Variants in FRAS1 observed in about 807,000 individuals in gnomAD.
FRAS1 encodes Fraser extracellular matrix complex subunit 1.
A neutral mutation model predicts 435.2 loss-of-function variants in FRAS1; 290 were observed. That is an observed-to-expected ratio of 0.67 (90% CI 0.61 to 0.73). The LOEUF (loss-of-function observed/expected upper bound fraction) is 0.73, where lower values mean the gene tolerates loss of function less well. Among genes scored for constraint, FRAS1 ranks in the 30% least tolerant of loss-of-function variants. The pLI is 0.00. For missense variants in FRAS1, 4,860 were observed against 5,001.5 expected (o/e 0.97, Z 0.85); for synonymous variants, 1,800 against 1,851.0 (o/e 0.97, Z 0.71).
intron 2 of FRAS1, among the ~76,000 whole-genome samples, chr4:78,086,120 C>T (rs150455300): frequency 0.016 from 2,371 of 145,392 alleles, 21 homozygotes; most frequent in Non-Finnish European, 0.022. Context: ...GATTAAGACA[C>T]TCACTCAAAA....
intron 2 of FRAS1, among the ~76,000 whole-genome samples, chr4:78,067,860 A>G (rs1441875268): frequency 7.4e-6 from 1 of 134,406 alleles, no homozygotes; most frequent in Non-Finnish European, 1.6e-5. Flanking sequence ...CACCCAGCCA[A>G]TTTTTTTTTT....
chr4:78,070,312 T>C (rs1357718381), intron 2 of FRAS1: 1 of 152,166 alleles, frequency 6.6e-6, no homozygotes, highest in African/African-American at 2.4e-5. Flanking sequence ...GTTTCCCCAA[T>C]TTTTGACAGC....
chr4:78,213,638 T>G (rs1723614060), intron 2 of FRAS1, among the ~76,000 whole-genome samples: 1 of 152,176 alleles, frequency 6.6e-6, no homozygotes, highest in Admixed American at 6.5e-5. Flanking sequence ...GCTAGGAGAA[T>G]ATGGACCCTT....
rs1384775588 is a variant in FRAS1 at position 78,479,612 on chromosome 4, T to C, written c.8337T>C (p.Asn2779=). The stretch of plus-strand genomic sequence containing the variant: ...TTGCCTTGGCAGATGCCTCTGACAA[T>C]GCCCGCATTGGAAGGGTGGCGACAG... ...FEIALADASD[N]ARIGRVATAK... Residue 2779 remains asparagine (N), a synonymous_variant, in exon 56 of 74, where the codon AAT becomes AAC. Transcript: ENST00000512123. 2 of 1,613,922 alleles carry C rather than the reference T, an allele frequency of 1.2e-6. No individual in the cohort carries two copies. The highest frequency in any genetic ancestry group is 2.2e-5 in the South Asian group (2 of 91,070).
intron 2 of FRAS1, among the ~76,000 whole-genome samples, chr4:78,211,738 G>A (rs1255571639): frequency 3.9e-5 from 6 of 152,204 alleles, no homozygotes; most frequent in Non-Finnish European, 7.3e-5. Flanking sequence ...TTTTAACTGT[G>A]TAATTCAGTG....
intron 1 of FRAS1, among the ~76,000 whole-genome samples, chr4:78,058,451 G>A (rs1265501004): frequency 6.6e-6 from 1 of 152,044 alleles, no homozygotes; most frequent in Non-Finnish European, 1.5e-5. Flanking sequence ...GCGAACAATT[G>A]CTCTTACCTG....
At chr4:78,507,397 C>T in intron 61 of FRAS1, 24 bp from the exon 62 acceptor site, 1 of 1,594,128 alleles carries the variant, frequency 6.3e-7, no homozygotes, top group Non-Finnish European at 8.5e-7. Context: ...CCTTTGCTCT[C>T]TTTTTGTTCT....
At chr4:78,536,099 T>C (rs1221142949) in intron 71 of FRAS1, among the ~76,000 whole-genome samples, 1 of 152,090 alleles carries the variant, frequency 6.6e-6, no homozygotes, top group Non-Finnish European at 1.5e-5. Flanking sequence ...GTAAGTTAGT[T>C]GCATGTAAAG....
chr4:78,125,227 T>G (rs1719277522), intron 2 of FRAS1, among the ~76,000 whole-genome samples: 1 of 152,358 alleles, frequency 6.6e-6, no homozygotes, highest in African/African-American at 2.4e-5. Flanking sequence ...TCTTTATTTC[T>G]GACTTTATTT....
intron 59 of FRAS1, among the ~76,000 whole-genome samples, chr4:78,492,369 G>A (rs189428959): frequency 3.9e-5 from 6 of 152,284 alleles, no homozygotes; most frequent in African/African-American, 1.4e-4. Context: ...AAAGCTGGGG[G>A]CATCACACTA....
intron 58 of FRAS1, among the ~76,000 whole-genome samples, chr4:78,488,513 C>T (rs1720243364): frequency 6.6e-6 from 1 of 152,142 alleles, no homozygotes; most frequent in Admixed American, 6.5e-5. Context: ...CTTTTGAGTA[C>T]CCAAATAATG....
chr4:78,333,394 C>T lies in FRAS1; in HGVS notation c.2260C>T (p.Gln754Ter). 4.3e-6 allele frequency: 7 copies of T among 1,611,460 alleles called. No individual in the cohort carries two copies. Among genetic ancestry groups the T allele is most frequent in the Non-Finnish European group, 5.9e-6 (7 of 1,178,906 alleles). The change falls in exon 19 of 74, where the codon CAG becomes TAG. Residue 754 changes from glutamine to a stop codon, truncating the protein, a stop_gained. Transcript: ENST00000512123. LOFTEE classifies it high-confidence loss of function. The part of the protein sequence containing the change: ...LSQCPDGYFH[Q>*]EGSCTECHPT... ...CCAGTGCCCAGATGGCTACTTTCAC[C>T]AGGAAGGTAGTTGCACAGGTGAGTA...
Position 78,446,731 on chromosome 4 carries a change from A to C in FRAS1, c.5861A>C (p.Lys1954Thr). Residue 1954 changes from lysine (K) to threonine (T), a missense_variant, in exon 43 of 74, where the codon AAG (lysine) becomes ACG (threonine). By Grantham distance (78) the Lys-to-Thr change is moderately conservative. Coordinates refer to ENST00000512123, the MANE Select transcript of FRAS1 (RefSeq NM_025074.7). ...IHSINITIER[K>T]NDEPPRMTLQ... ...AATAGTTTATGCTTTAATCAGAGGA[A>C]GAACGATGAGCCTCCCAGGATGACC... is the stretch of plus-strand genomic sequence containing the variant. The C allele has an allele frequency of 6.2e-7, 1 of 1,612,582 alleles. No homozygotes were observed. Among genetic ancestry groups the C allele is most frequent in the Non-Finnish European group, 8.5e-7 (1 of 1,179,436 alleles).
chr4:78,514,530 T>C (rs1274054187), intron 65 of FRAS1, among the ~76,000 whole-genome samples: 2 of 152,202 alleles, frequency 1.3e-5, no homozygotes, highest in African/African-American at 2.4e-5. Flanking sequence ...TGAGTGAAAA[T>C]TATTTATAAA....
intron 14 of FRAS1, among the ~76,000 whole-genome samples, chr4:78,297,739 A>G (rs2110202348): frequency 6.6e-6 from 1 of 152,274 alleles, no homozygotes; most frequent in East Asian, 1.9e-4. Context: ...ACAATATATA[A>G]TTTAAGCCCT....
intron 15 of FRAS1, among the ~76,000 whole-genome samples, chr4:78,308,718 C>A (rs1445687116): frequency 6.6e-6 from 1 of 152,258 alleles, no homozygotes; most frequent in African/African-American, 2.4e-5. Context: ...CAGCTTAGCA[C>A]TTCCTTGAAC....
chr4:78,117,821 C>G (rs1578135550), intron 2 of FRAS1, among the ~76,000 whole-genome samples: 1 of 152,256 alleles, frequency 6.6e-6, no homozygotes, highest in East Asian at 1.9e-4. Flanking sequence ...AAGCCTTCTT[C>G]TCTCAGCTCA....
At chr4:78,233,493 C>G (rs1318986346) in intron 2 of FRAS1, among the ~76,000 whole-genome samples, 1 of 149,968 alleles carries the variant, frequency 6.7e-6, no homozygotes, top group Admixed American at 6.7e-5. Context: ...ACTTATAGGA[C>G]TGTTTTCCCT....
intron 38 of FRAS1, among the ~76,000 whole-genome samples, chr4:78,435,740 GAA>G (rs34135859): frequency 6.5e-5 from 9 of 137,518 alleles, no homozygotes; most frequent in South Asian, 4.7e-4. Flanking sequence ...TCTGTCTCAA[GAA>G]AAAAAAAAAA....
Sources: gnomAD v4.1 joint callset for allele counts (sites outside exome capture counted in the v4.1 genomes callset) on GRCh38, gnomAD v4.1.1 for gene constraint, MANE v1.5 for transcripts, NCBI Gene and HGNC (gene_info 2026-07-23, HGNC 2026-07-21) for gene names.